The following CACNA1B variants were observed in gnomAD, a reference collection of about 807,000 sequenced individuals.
CACNA1B encodes voltage-dependent N-type calcium channel subunit alpha-1B.
Under a neutral mutation model 247.2 loss-of-function variants are expected in CACNA1B, and 70 were observed. That is an observed-to-expected ratio of 0.28 (90% CI 0.23 to 0.35). The LOEUF (loss-of-function observed/expected upper bound fraction) is 0.35. Among genes scored for constraint, CACNA1B ranks in the 10% least tolerant of loss-of-function variants. CACNA1B has a pLI of 1.00. For synonymous variants in CACNA1B, 1,231 were observed against 1,294.4 expected (o/e 0.95, Z 1.05); for missense variants, 2,367 against 3,197.4 (o/e 0.74, Z 6.26).
intron 15 of CACNA1B, among the ~76,000 whole-genome samples, chr9:138,001,444 A>G (rs1348680869): frequency 9.4e-6 from 1 of 106,916 alleles, no homozygotes; most frequent in Non-Finnish European, 1.8e-5. Flanking sequence ...TACACTTTAA[A>G]TGGGCGAATT....
At chr9:138,029,114 C>T (rs1223443918) in intron 20 of CACNA1B, among the ~76,000 whole-genome samples, 1 of 152,240 alleles carries the variant, frequency 6.6e-6, no homozygotes, top group East Asian at 1.9e-4. Context: ...TAAATGTCAG[C>T]CAGAAAAGTC....
At chr9:138,112,323 C>G in intron 39 of CACNA1B, 75 bp from the exon 40 acceptor site, 3 of 1,015,588 alleles carry the variant, frequency 3.0e-6, no homozygotes, top group Non-Finnish European at 4.6e-6. Flanking sequence ...TGCACCAGCT[C>G]TGCCCCATTG....
chr9:137,886,660 C>T (rs575209868), intron 3 of CACNA1B, among the ~76,000 whole-genome samples: 5 of 151,140 alleles, frequency 3.3e-5, no homozygotes, highest in Middle Eastern at 3.4e-3. Flanking sequence ...GCGGCATAGG[C>T]GTGCCCCAGA....
intron 12 of CACNA1B, 54 bp downstream of exon 12, chr9:137,976,073 C>T (rs1958217031): frequency 9.3e-7 from 1 of 1,072,708 alleles, no homozygotes; most frequent in South Asian, 1.3e-5. Flanking sequence ...TGCAGGTGCA[C>T]ACAGCCCCCT....
At chr9:138,045,966 G>C (rs542496781) in intron 21 of CACNA1B, among the ~76,000 whole-genome samples, 1 of 152,242 alleles carries the variant, frequency 6.6e-6, no homozygotes, top group East Asian at 1.9e-4. Context: ...GGCAGGGGAG[G>C]CATCTCCAGA....
intron 21 of CACNA1B, among the ~76,000 whole-genome samples, chr9:138,045,916 A>G (rs1278014235): frequency 1.3e-5 from 2 of 152,012 alleles, no homozygotes; most frequent in East Asian, 1.9e-4. Flanking sequence ...GGGTGAGAGG[A>G]AGAGCTTAGA....
At chr9:137,987,228 C>G (rs546334307) in intron 15 of CACNA1B, among the ~76,000 whole-genome samples, 1 of 152,264 alleles carries the variant, frequency 6.6e-6, no homozygotes, top group East Asian at 1.9e-4. Flanking sequence ...AACTTCTCCC[C>G]CTCCTATCTC....
chr9:137,925,747 ATT>A (rs537179531), intron 6 of CACNA1B, among the ~76,000 whole-genome samples: 6 of 140,876 alleles, frequency 4.3e-5, no homozygotes, highest in African/African-American at 7.8e-5. Flanking sequence ...CATCGTAACC[ATT>A]TTTTTTTTTT....
intron 6 of CACNA1B, among the ~76,000 whole-genome samples, chr9:137,926,465 A>G (rs1957552603): frequency 6.6e-6 from 1 of 151,910 alleles, no homozygotes; most frequent in African/African-American, 2.4e-5. Flanking sequence ...CCATGTTTTA[A>G]CTCTTACGAA....
chr9:137,941,836 G>A (rs535506577), intron 6 of CACNA1B, among the ~76,000 whole-genome samples: 1 of 152,228 alleles, frequency 6.6e-6, no homozygotes, highest in South Asian at 2.1e-4. Flanking sequence ...AACTCAAGAT[G>A]GATCAAGGAC....
intron 13 of CACNA1B, among the ~76,000 whole-genome samples, chr9:137,985,402 A>G (rs1323360705): frequency 6.6e-6 from 1 of 151,528 alleles, no homozygotes; most frequent in African/African-American, 2.4e-5. Flanking sequence ...CCTTTACCCC[A>G]CCTCCAGGTC....
intron 31 of CACNA1B, among the ~76,000 whole-genome samples, chr9:138,060,971 G>C (rs1239540780): frequency 6.6e-6 from 1 of 152,136 alleles, no homozygotes; most frequent in African/African-American, 2.4e-5. Context: ...TGCACTGGTT[G>C]CTGGCCTGGT....
chr9:137,939,057 G>A (rs1957701294), intron 6 of CACNA1B, among the ~76,000 whole-genome samples: 1 of 152,000 alleles, frequency 6.6e-6, no homozygotes, highest in African/African-American at 2.4e-5. Context: ...GTGACAGAGC[G>A]AGATTCTGTC....
chr9:138,101,060 C>G (rs774612334), intron 37 of CACNA1B: 1 of 498,380 alleles, frequency 2.0e-6, no homozygotes, highest in Admixed American at 2.2e-5. Flanking sequence ...GGGTCGGGCT[C>G]CATCCTGCCT....
intron 15 of CACNA1B, 58 bp from the exon 16 acceptor site, chr9:138,006,709 C>CGT: frequency 1.1e-6 from 1 of 915,720 alleles, no homozygotes; most frequent in Non-Finnish European, 1.8e-6. Flanking sequence ...GGTGGGGGTG[C>CGT]GTGTGTGTGG....
chr9:137,912,646 G>C (rs932266015), intron 3 of CACNA1B, among the ~76,000 whole-genome samples: 1 of 152,180 alleles, frequency 6.6e-6, no homozygotes, highest in African/African-American at 2.4e-5. Flanking sequence ...TGACCACAGT[G>C]TCTTCCTCAT....
chr9:137,980,787 C>T (rs1958285063), intron 12 of CACNA1B, among the ~76,000 whole-genome samples: 1 of 152,222 alleles, frequency 6.6e-6, no homozygotes, highest in Admixed American at 6.5e-5. Context: ...CATTAATTCA[C>T]TTAGGATAAT....
In CACNA1B at chr9:138,121,847, C is replaced by A; in HGVS notation, c.6868C>A (p.Arg2290Ser). Reference protein sequence around the residue: ...FEEAVATNSGRSSRTSYVSSL... With the variant: ...FEEAVATNSGSSSRTSYVSSL... ...GGAGGCTGTGGCCACCAACTCGGGC[C>A]GCTCCTCCAGGACTTCCTACGTGTC... is the stretch of plus-strand genomic sequence containing the variant. Residue 2290 changes from arginine to serine, a missense_variant, in exon 47 of 47, where the codon CGC becomes AGC. Physicochemically the swap from Arg to Ser is moderately radical, Grantham distance 110. This residue lies in a region of CACNA1B where 773 missense variants were observed against 779.4 expected (regional missense o/e 0.99). Coordinates refer to ENST00000371372, the MANE Select transcript of CACNA1B (RefSeq NM_000718.4). The surrounding 1 kb of genome is among the most constrained non-coding windows in gnomAD (Gnocchi z 6.8). 6.2e-7 allele frequency: 1 copy of A among 1,613,406 alleles called. No individual in the cohort carries two copies. The highest frequency in any genetic ancestry group is 1.3e-5 in the African/African-American group (1 of 75,064).
rs1003570489 is a variant in CACNA1B at position 138,086,783 on chromosome 9, A to G, written c.5094+8525A>G. Among the ~76,000 whole-genome samples, 49 of 151,196 alleles carry G rather than the reference A, an allele frequency of 3.2e-4. 2 individuals carry two copies. The highest frequency in any genetic ancestry group is 1.2e-3 in the African/African-American group (48 of 40,858). On this transcript the variant is annotated intron_variant, in intron 36 of 46. Transcript: ENST00000371372. ...AGAAAATCAACAACAAAAAACCCAC[A>G]TTGGCTTTAAAGTGCCTTTTAGTCC... is the stretch of plus-strand genomic sequence containing the variant.
Sources: gnomAD v4.1 joint callset for allele counts (sites outside exome capture counted in the v4.1 genomes callset) on GRCh38, gnomAD v4.1.1 for gene constraint, gnomAD v4.1.1 regional missense constraint, Gnocchi (gnomAD v3.1) non-coding constraint, MANE v1.5 for transcripts, NCBI Gene and HGNC (gene_info 2026-07-23, HGNC 2026-07-21) for gene names.